Variants in SH3TC2 observed in about 807,000 individuals in gnomAD.
The protein encoded by SH3TC2 is SH3 domain and tetratricopeptide repeats 2.
Under a neutral mutation model 124.5 loss-of-function variants are expected in SH3TC2, and 87 were observed. That is an observed-to-expected ratio of 0.70 (90% CI 0.59 to 0.84). The LOEUF is 0.84. SH3TC2 is among the 40% of genes least tolerant of loss of function. The pLI, the probability that SH3TC2 is intolerant of heterozygous loss-of-function variation, is 0.00. For synonymous variants in SH3TC2, 634 were observed against 628.5 expected (o/e 1.01, Z -0.13); for missense variants, 1,536 against 1,566.4 (o/e 0.98, Z 0.33).
In SH3TC2 at chr5:149,010,530, C is replaced by T. The variant is rs77231639; in HGVS notation, c.3205-138G>A. The T allele has an allele frequency of 0.05, 56,496 of 1,136,048 alleles. 1,771 individuals carry two copies. Among genetic ancestry groups the T allele is most frequent in the South Asian group, 0.082 (5,648 of 68,482 alleles). 70.4% of individuals were successfully genotyped at this position (1,136,048 alleles called of 1,614,324 possible). A position where few individuals can be genotyped will look rare whatever the true frequency, so the allele number is the denominator to read the frequency against. ...CCCCCAAATCCTAAATGTCTTCACA[C>T]TCCTAGGGCTGGTAAGAGGACTTTA... On this transcript the variant is annotated intron_variant, in intron 13 of 16. Coordinates refer to ENST00000515425, the MANE Select transcript of SH3TC2 (RefSeq NM_024577.4).
chr5:149,017,394 G>A (rs1448691231), intron 12 of SH3TC2, among the ~76,000 whole-genome samples: 1 of 152,084 alleles, frequency 6.6e-6, no homozygotes, highest in Non-Finnish European at 1.5e-5. Context: ...ACTAAATTCT[G>A]TAGTTGTCCC....
rs547951260 is a variant in SH3TC2, at chr5:149,012,488, T to A, written c.3204+96A>T. On this transcript the variant is annotated intron_variant, in intron 13 of 16. Transcript: ENST00000515425. ...CTCCACAGGCTTAGGGTGAACATCA[T>A]CCCTCTCTGGTTCCCCCTGGTTGAT... The A allele has an allele frequency of 1.6e-5, 23 of 1,468,974 alleles. No individual in the cohort carries two copies. The African/African-American group carries it at 2.8e-4, about 18-fold the overall frequency. 91.0% of individuals were successfully genotyped at this position (1,468,974 alleles called of 1,614,324 possible).
In SH3TC2 at chr5:148,996,772, G is replaced by T. The variant is rs144288040; in HGVS notation, c.*7939C>A. Among the ~76,000 whole-genome samples, 96 of 152,224 alleles carry T rather than the reference G, an allele frequency of 6.3e-4. No homozygotes were observed. The East Asian group carries it at 0.018, about 28-fold the overall frequency. ...AAAAAAGTCACCTTCACACATATTT[G>T]GCCCGTGCAAGGAAGATCAAGTAGC... On this transcript the variant is annotated 3_prime_UTR_variant, in exon 17 of 17. Transcript: ENST00000515425.
chr5:149,042,583 A>C, intron 5 of SH3TC2, 111 bp downstream of exon 5: 1 of 1,374,578 alleles, frequency 7.3e-7, no homozygotes, highest in Non-Finnish European at 1.0e-6. Flanking sequence ...TTCATTTGTG[A>C]ATATTCCATG....
chr5:149,028,693 A>T lies in SH3TC2; in HGVS notation c.1161T>A (p.Pro387=), dbSNP rs1754128867. The T allele has an allele frequency of 6.2e-7, 1 of 1,614,082 alleles. No homozygotes were observed. The highest frequency in any genetic ancestry group is 1.1e-5 in the South Asian group (1 of 91,088). Residue 387 remains proline, a synonymous_variant, in exon 10 of 17, where the codon CCT becomes CCA. Coordinates refer to ENST00000515425, the MANE Select transcript of SH3TC2 (RefSeq NM_024577.4). ...RLSGFESIQN[P]PNDLSASQPE... is the part of the protein sequence containing the mutation. ...GCTACTCACCACTCAGATCATTTGG[A>T]GGATTCTGGATGGATTCAAACCCAC... is the stretch of plus-strand genomic sequence containing the variant.
Position 149,041,283 on chromosome 5 carries a change from A to G in SH3TC2, c.731+133T>C, listed in dbSNP as rs886335107. ...TAAAAAAGAAAAGAAAAAGACAGAA[A>G]GATAAAGACCCACCCAGAATCTGTT... On this transcript the variant is annotated intron_variant, in intron 6 of 16. Coordinates refer to ENST00000515425, the MANE Select transcript of SH3TC2 (RefSeq NM_024577.4). 11 of 889,738 alleles carry G rather than the reference A, an allele frequency of 1.2e-5. No individual in the cohort carries two copies. In the Admixed American group the frequency reaches 2.7e-4, roughly 22 times the overall value. The allele number at this position is 889,738 out of a possible 1,614,324, so 55.1% of individuals were successfully genotyped here. A position where few individuals can be genotyped will look rare whatever the true frequency, so the allele number is the denominator to read the frequency against.
Position 149,027,222 on chromosome 5 carries a change from A to G in SH3TC2, c.2510T>C (p.Val837Ala). Residue 837 changes from valine to alanine, a missense_variant, in exon 11 of 17, where the codon GTC (valine) becomes GCC (alanine). By Grantham distance (64) the Val-to-Ala change is moderately conservative. Transcript: ENST00000515425. ...KETESLTQRGVIYNLLGLALQ... is the reference protein window; with the variant it reads ...KETESLTQRGAIYNLLGLALQ... ...TGCAAGTCCCAGGAGGTTATAGATGACTCCCCTTTGAGTGAGACTCTCTGT... is the reference window on the plus strand; with the variant it reads ...TGCAAGTCCCAGGAGGTTATAGATGGCTCCCCTTTGAGTGAGACTCTCTGT... 1.2e-6 allele frequency: 2 copies of G among 1,613,986 alleles called. No individual in the cohort carries two copies. Among genetic ancestry groups the G allele is most frequent in the Non-Finnish European group, 8.5e-7 (1 of 1,180,020 alleles).
intron 1 of SH3TC2, among the ~76,000 whole-genome samples, chr5:149,052,851 A>G (rs1470796435): frequency 6.6e-6 from 1 of 152,224 alleles, no homozygotes; most frequent in Non-Finnish European, 1.5e-5. Flanking sequence ...CTTTGATAGC[A>G]GAAAGTTGAA....
rs1166545728 is a variant in SH3TC2, at chr5:149,007,077, C to T, written c.3479G>A (p.Gly1160Glu). The change falls in exon 16 of 17, where the codon GGA becomes GAA. Residue 1160 changes from glycine (G) to glutamate (E), a missense_variant and splice_region_variant. Gly to Glu is a moderately conservative substitution (Grantham distance 98). This residue lies in a region of SH3TC2 where 426 missense variants were observed against 443.5 expected (regional missense o/e 0.96). Coordinates refer to ENST00000515425, the MANE Select transcript of SH3TC2 (RefSeq NM_024577.4). ...TLAARLSTVT[G>E]DQRQELVAFH... is the part of the protein sequence containing the mutation. ...GGCCACCAGCTCTTGCCTCTGATCT[C>T]CTAAGAATTGGAAGACTGAGAGAGA... The T allele has an allele frequency of 3.7e-6, 6 of 1,614,082 alleles. No homozygotes were observed. The South Asian group carries it at 5.5e-5, about 15-fold the overall frequency.
Position 149,027,789 on chromosome 5 carries a change from C to G in SH3TC2, c.1943G>C (p.Arg648Pro), listed in dbSNP as rs149077357. ...LAIRLLLSLGRHEEVLPFAER... is the reference protein window; with the variant it reads ...LAIRLLLSLGPHEEVLPFAER... ...GGCAAAGGGCAGGACCTCCTCGTGCCGGCCTAGGCTCAGGAGCAAGCGGAT... is the reference window on the plus strand; with the variant it reads ...GGCAAAGGGCAGGACCTCCTCGTGCGGGCCTAGGCTCAGGAGCAAGCGGAT... The change falls in exon 11 of 17, where the codon CGG becomes CCG. Residue 648 changes from arginine (R) to proline (P), a missense_variant. By Grantham distance (103) the Arg-to-Pro change is moderately radical. Coordinates refer to ENST00000515425, the MANE Select transcript of SH3TC2 (RefSeq NM_024577.4). 1.9e-6 allele frequency: 3 copies of G among 1,613,812 alleles called. No individual in the cohort carries two copies. The African/African-American group carries it at 4.0e-5, about 22-fold the overall frequency.
chr5:148,985,743 A>G lies in SH3TC2; in HGVS notation c.*18968T>C, dbSNP rs1753322041. 6.6e-6 allele frequency among the ~76,000 whole-genome samples: 1 copy of G among 152,202 alleles called. No individual in the cohort carries two copies. The highest frequency in any genetic ancestry group is 1.5e-5 in the Non-Finnish European group (1 of 68,020). ...TACCTAGGAGTAGCAATTCTGGATC[A>G]CTTTGTAAGTGTATGTTTAATTTAT... On this transcript the variant is annotated 3_prime_UTR_variant, in exon 17 of 17. Transcript: ENST00000515425.
intron 1 of SH3TC2, chr5:149,062,527 G>A (rs1361023168): frequency 9.3e-6 from 4 of 430,968 alleles, no homozygotes; most frequent in Non-Finnish European, 1.8e-5. Context: ...GTGGAGGCAG[G>A]AAACTGCCTG....
chr5:149,031,559 C>T lies in SH3TC2; in HGVS notation c.1130G>A (p.Arg377Gln), dbSNP rs1450931349. The change falls in exon 9 of 17, where the codon CGG becomes CAG. Residue 377 changes from arginine (R) to glutamine (Q), a missense_variant. By Grantham distance (43) the Arg-to-Gln change is conservative. Transcript: ENST00000515425. ...GTCTGAGGACCAACACTCACTGAGCCGGTAGACAGATGTGATGTCAGTGCG... is the reference window on the plus strand; with the variant it reads ...GTCTGAGGACCAACACTCACTGAGCTGGTAGACAGATGTGATGTCAGTGCG... ...LARTDITSVY[R>Q]LSGFESIQNP... 3.1e-6 allele frequency: 5 copies of T among 1,613,968 alleles called. No homozygotes were observed. Among genetic ancestry groups the T allele is most frequent in the East Asian group, 2.2e-5 (1 of 44,890 alleles).
intron 1 of SH3TC2, among the ~76,000 whole-genome samples, chr5:149,061,621 G>A (rs36045): frequency 0.21 from 31,228 of 152,022 alleles, 3,726 homozygotes; most frequent in African/African-American, 0.31. Context: ...ATAAGTTGTC[G>A]AGGCAAGTAA....
rs6875902 is a variant in SH3TC2, at chr5:149,028,330, C to T, written c.1402G>A (p.Ala468Thr). Residue 468 changes from alanine to threonine, a missense_variant, in exon 11 of 17, where the codon GCC becomes ACC. Physicochemically the swap from Ala to Thr is moderately conservative, Grantham distance 58 (BLOSUM62 0). Coordinates refer to ENST00000515425, the MANE Select transcript of SH3TC2 (RefSeq NM_024577.4). Reference protein sequence around the residue: ...TGQEEEAENFAPILAFLDHEG... With the variant: ...TGQEEEAENFTPILAFLDHEG... ...TGATCCAGAAAAGCCAATATGGGGG[C>T]GAAGTTCTCAGCCTCCTCCTCCTGA... The T allele has an allele frequency of 1.3e-5, 21 of 1,613,788 alleles. No homozygotes were observed. The highest frequency in any genetic ancestry group is 9.3e-5 in the African/African-American group (7 of 74,870).
chr5:149,046,769 G>A (rs941440852), intron 3 of SH3TC2: 2 of 151,984 alleles, frequency 1.3e-5, no homozygotes, highest in African/African-American at 4.8e-5. Flanking sequence ...TCAAAATAAA[G>A]GAAAATCTAC....
At chr5:149,032,454 A>AT (rs1025069453) in intron 8 of SH3TC2, among the ~76,000 whole-genome samples, 1 of 152,224 alleles carries the variant, frequency 6.6e-6, no homozygotes, top group Admixed American at 6.5e-5. Context: ...TATCTAAACA[A>AT]TTTTTTAGGC....
rs1753603172 is a variant in SH3TC2, at chr5:149,001,835, A to G, written c.*2876T>C. On this transcript the variant is annotated 3_prime_UTR_variant, in exon 17 of 17. Coordinates refer to ENST00000515425, the MANE Select transcript of SH3TC2 (RefSeq NM_024577.4). The stretch of plus-strand genomic sequence containing the variant: ...GCTAAAATTTCCAAGGAGATGTAAC[A>G]TGGATAGAAACAACGCTCTTCACGT... The G allele has an allele frequency of 6.6e-6, 1 of 152,220 alleles. No homozygotes were observed. Among genetic ancestry groups the G allele is most frequent in the Non-Finnish European group, 1.5e-5 (1 of 68,050 alleles). 9.4% of individuals were successfully genotyped at this position (152,220 alleles called of 1,614,324 possible).
chr5:149,061,460 A>G (rs992734260), intron 1 of SH3TC2, among the ~76,000 whole-genome samples: 3 of 152,188 alleles, frequency 2.0e-5, no homozygotes, highest in African/African-American at 4.8e-5. Flanking sequence ...AATGGAATTA[A>G]CAATGGTGAA....
Sources: gnomAD v4.1 joint callset for allele counts (sites outside exome capture counted in the v4.1 genomes callset) on GRCh38, gnomAD v4.1.1 for gene constraint, gnomAD v4.1.1 regional missense constraint, MANE v1.5 for transcripts, NCBI Gene and HGNC (gene_info 2026-07-23, HGNC 2026-07-21) for gene names.